TNIK: variants seen among roughly 807,000 people sequenced by gnomAD.
The protein encoded by TNIK is TRAF2 and NCK interacting kinase.
A neutral mutation model predicts 191.3 loss-of-function variants in TNIK; 49 were observed. The ratio of observed to expected loss-of-function variants is 0.26; its 90% CI spans 0.20 to 0.32. The LOEUF (loss-of-function observed/expected upper bound fraction) is 0.32, where lower values mean the gene tolerates loss of function less well. Ranked by LOEUF, TNIK falls within the 10% of genes least tolerant of loss-of-function variation. The pLI is 1.00. For missense variants in TNIK, 1,155 were observed against 1,702.3 expected, an observed-to-expected ratio of 0.68 and a Z score of 5.66; for synonymous variants, 594 against 600.9, an observed-to-expected ratio of 0.99 and a Z score of 0.17.
rs1729328826 is a variant in TNIK at position 171,460,291 on chromosome 3, CG to C, written c.-229del. On this transcript the variant is annotated 5_prime_UTR_variant, in exon 1 of 33. Transcript: ENST00000436636. This position sits in a 1 kb window ranked among gnomAD's most constrained non-coding sequence, Gnocchi z 6.8. ...GCGCGGATCTCCAAGCCCCGAGCAG[CG>C]GTGCGTGTGGGCTGAGCGCCCCGAT... 1.7e-6 allele frequency: 1 copy of C among 603,518 alleles called. No individual in the cohort carries two copies. The highest frequency in any genetic ancestry group is 2.9e-6 in the Non-Finnish European group (1 of 344,212). The allele number at this position is 603,518 out of a possible 1,614,324, so 37.4% of individuals were successfully genotyped here. A position where few individuals can be genotyped will look rare whatever the true frequency, so the allele number is the denominator to read the frequency against.
chr3:171,371,668 C>T (rs1716507360), intron 1 of TNIK, among the ~76,000 whole-genome samples: 1 of 152,074 alleles, frequency 6.6e-6, no homozygotes, highest in African/African-American at 2.4e-5. Flanking sequence ...CCATCAAGGC[C>T]ACCTGGGAGG....
chr3:171,100,907 G>A lies in TNIK; in HGVS notation c.2591+542C>T, dbSNP rs150402253. On this transcript the variant is annotated intron_variant, in intron 22 of 32. Coordinates refer to ENST00000436636, the MANE Select transcript of TNIK (RefSeq NM_015028.4). Reference sequence around the variant, plus strand: ...GGATCCAGAAAAAGAAGCCATGAAGGGAATAAAGTAGAAAATCATAACGGG... The same window carrying A: ...GGATCCAGAAAAAGAAGCCATGAAGAGAATAAAGTAGAAAATCATAACGGG... Among the ~76,000 whole-genome samples the A allele has an allele frequency of 2.4e-3, 360 of 152,088 alleles. 1 individual carries two copies. The highest frequency in any genetic ancestry group is 8.1e-3 in the African/African-American group (338 of 41,498).
At chr3:171,347,284 CA>C in intron 2 of TNIK, 1 of 1,483,028 alleles carries the variant, frequency 6.7e-7, no homozygotes, top group African/African-American at 1.4e-5. Flanking sequence ...ACACATAGAG[CA>C]CACTCTCTTC....
intron 2 of TNIK, among the ~76,000 whole-genome samples, chr3:171,239,797 G>A (rs1447281130): frequency 2.0e-5 from 3 of 152,174 alleles, no homozygotes; most frequent in African/African-American, 4.8e-5. Flanking sequence ...ACAGCAATTT[G>A]TCAGCAAACA....
At chr3:171,140,662 G>C (rs1315735137) in intron 12 of TNIK, among the ~76,000 whole-genome samples, 153 bp from the exon 13 acceptor site, 1 of 152,126 alleles carries the variant, frequency 6.6e-6, no homozygotes, top group Admixed American at 6.5e-5. Context: ...CTGTTGGAGG[G>C]TACACTGGCA....
chr3:171,193,715 T>G (rs1424399980), intron 5 of TNIK, among the ~76,000 whole-genome samples: 2 of 152,228 alleles, frequency 1.3e-5, no homozygotes, highest in East Asian at 3.8e-4. Flanking sequence ...TTTTAACTTT[T>G]GTTGCCTTAA....
At chr3:171,209,924 A>G (rs1370923346) in intron 4 of TNIK, among the ~76,000 whole-genome samples, 1 of 152,158 alleles carries the variant, frequency 6.6e-6, no homozygotes, top group Non-Finnish European at 1.5e-5. Flanking sequence ...TAAAATAGTT[A>G]CTTCTGCCCG....
chr3:171,354,465 C>T (rs1257838108), intron 2 of TNIK, among the ~76,000 whole-genome samples: 3 of 152,108 alleles, frequency 2.0e-5, no homozygotes, highest in Non-Finnish European at 4.4e-5. Context: ...TAGCAGGACT[C>T]GGCTGACACA....
chr3:171,282,347 T>G lies in TNIK; in HGVS notation c.124-54126A>C, dbSNP rs553931618. On this transcript the variant is annotated intron_variant, in intron 2 of 32. Coordinates refer to ENST00000436636, the MANE Select transcript of TNIK (RefSeq NM_015028.4). ...ATTCTCTTAATGGTTTTTTGTTTTT[T>G]TTTTTTTTTTTGAGATGGAGTTTCG... Among the ~76,000 whole-genome samples, 251 of 144,102 alleles carry G rather than the reference T, an allele frequency of 1.7e-3. 3 individuals are homozygous for G. Among genetic ancestry groups the G allele is most frequent in the Middle Eastern group, 0.011 (3 of 278 alleles). 94.5% of individuals were successfully genotyped at this position (144,102 alleles called of 152,430 possible). A position where few individuals can be genotyped will look rare whatever the true frequency, so the allele number is the denominator to read the frequency against.
chr3:171,407,862 C>G (rs1421430149), intron 1 of TNIK, among the ~76,000 whole-genome samples: 1 of 152,068 alleles, frequency 6.6e-6, no homozygotes, highest in Non-Finnish European at 1.5e-5. Flanking sequence ...TTTAACAGTC[C>G]AGAAAAAAAG....
intron 32 of TNIK, 79 bp from the exon 33 acceptor site, chr3:171,064,043 T>G: frequency 1.5e-6 from 2 of 1,348,806 alleles, no homozygotes; most frequent in Non-Finnish European, 2.1e-6. Context: ...CCATTTTCTC[T>G]CACATGTCCT....
chr3:171,411,125 G>A (rs1722355728), intron 1 of TNIK, among the ~76,000 whole-genome samples: 1 of 151,430 alleles, frequency 6.6e-6, no homozygotes, highest in Non-Finnish European at 1.5e-5. Context: ...CTGGAGTGCA[G>A]TGGCATGATA....
intron 3 of TNIK, among the ~76,000 whole-genome samples, chr3:171,227,002 G>A (rs1188734483): frequency 6.6e-6 from 1 of 151,514 alleles, no homozygotes; most frequent in Non-Finnish European, 1.5e-5. Flanking sequence ...TTCATTCTAT[G>A]TCTATTTATA....
At chr3:171,277,625 T>C (rs1490609724) in intron 2 of TNIK, among the ~76,000 whole-genome samples, 1 of 152,180 alleles carries the variant, frequency 6.6e-6, no homozygotes, top group Non-Finnish European at 1.5e-5. Context: ...GTTAGCAAAC[T>C]AAACCCTGCT....
chr3:171,433,943 T>C (rs937570733), intron 1 of TNIK, among the ~76,000 whole-genome samples: 4 of 124,088 alleles, frequency 3.2e-5, no homozygotes, highest in Admixed American at 7.9e-5. Flanking sequence ...TTTCCTTTTT[T>C]TTTTTTTTTT....
chr3:171,342,255 C>A (rs1197734079), intron 2 of TNIK, among the ~76,000 whole-genome samples: 1 of 152,112 alleles, frequency 6.6e-6, no homozygotes, highest in Non-Finnish European at 1.5e-5. Context: ...AAAGTGGGAC[C>A]AGATAATTTG....
At chr3:171,450,393 G>A (rs547551198) in intron 1 of TNIK, among the ~76,000 whole-genome samples, 7 of 152,312 alleles carry the variant, frequency 4.6e-5, no homozygotes, top group Non-Finnish European at 1.0e-4. Flanking sequence ...TTGTTAGACT[G>A]GTTTTTGTGT....
At chr3:171,327,715 G>T (rs1008969545) in intron 2 of TNIK, among the ~76,000 whole-genome samples, 2 of 151,772 alleles carry the variant, frequency 1.3e-5, no homozygotes, top group Non-Finnish European at 2.9e-5. Flanking sequence ...GCAAAGGGGG[G>T]TGTGTAATGT....
At chr3:171,256,085 C>T (rs914716902) in intron 2 of TNIK, among the ~76,000 whole-genome samples, 2 of 152,052 alleles carry the variant, frequency 1.3e-5, no homozygotes, top group Non-Finnish European at 2.9e-5. Flanking sequence ...AGAAGGAAAA[C>T]AGCTCCCAAC....
Sources: gnomAD v4.1 joint callset for allele counts (sites outside exome capture counted in the v4.1 genomes callset) on GRCh38, gnomAD v4.1.1 for gene constraint, Gnocchi (gnomAD v3.1) non-coding constraint, MANE v1.5 for transcripts, NCBI Gene and HGNC (gene_info 2026-07-23, HGNC 2026-07-21) for gene names.